SYNE1: variants seen among roughly 807,000 people sequenced by gnomAD.
SYNE1 encodes the protein nesprin-1.
Under a neutral mutation model 1,111.0 loss-of-function variants are expected in SYNE1, and 616 were observed. That is an observed-to-expected ratio of 0.55 (90% CI 0.52 to 0.59). The LOEUF is 0.59. Ranked by LOEUF, SYNE1 falls within the 20% of genes least tolerant of loss-of-function variation. The probability of loss-of-function intolerance (pLI) is 0.00; values close to 1 mark genes in which losing one functional copy is unlikely to be tolerated. For missense variants in SYNE1, 10,006 were observed against 10,417.0 expected (o/e 0.96, Z 1.72); for synonymous variants, 3,855 against 3,825.8 (o/e 1.01, Z -0.28).
chr6:152,474,184 CA>C (rs11330635), intron 14 of SYNE1, among the ~76,000 whole-genome samples: 71,184 of 145,562 alleles, frequency 0.49, 18,290 homozygotes, highest in East Asian at 0.76. Flanking sequence ...GACTCTGTCT[CA>C]AAAAAAAAAA....
chr6:152,399,830 A>T lies in SYNE1; in HGVS notation c.7030-7T>A, dbSNP rs914654495. On this transcript the variant is annotated splice_polypyrimidine_tract_variant and splice_region_variant and intron_variant, in intron 47 of 145. Coordinates refer to ENST00000367255, the MANE Select transcript of SYNE1 (RefSeq NM_182961.4). ...GAAGTTCTTTTTGTATATCCTACAG[A>T]ATAAAAGTATATTATGAAGGATATT... The T allele has an allele frequency of 1.2e-5, 20 of 1,613,120 alleles. No homozygotes were observed. Among genetic ancestry groups the T allele is most frequent in the Non-Finnish European group, 1.6e-5 (19 of 1,179,118 alleles).
intron 3 of SYNE1, among the ~76,000 whole-genome samples, chr6:152,627,563 G>T (rs2099688236): frequency 6.6e-6 from 1 of 152,090 alleles, no homozygotes; most frequent in African/African-American, 2.4e-5. Flanking sequence ...GAGGCTGAGG[G>T]AGGAGAATCG....
intron 30 of SYNE1, 69 bp from the exon 31 acceptor site, chr6:152,442,314 C>G (rs565646598): frequency 1.3e-6 from 2 of 1,583,440 alleles, no homozygotes; most frequent in Admixed American, 3.3e-5. Context: ...GACATCAACA[C>G]CCACGCTTAA....
chr6:152,158,540 A>C (rs1444286224), intron 131 of SYNE1, among the ~76,000 whole-genome samples: 5 of 152,206 alleles, frequency 3.3e-5, no homozygotes, highest in Non-Finnish European at 7.3e-5. Context: ...ATTTTACTAA[A>C]ATATTTATAT....
At chr6:152,348,626 A>C (rs1421271864) in intron 72 of SYNE1, among the ~76,000 whole-genome samples, 1 of 152,198 alleles carries the variant, frequency 6.6e-6, no homozygotes, top group Non-Finnish European at 1.5e-5. Context: ...CAGAGGTTAC[A>C]GTGAGCTGAG....
intron 3 of SYNE1, among the ~76,000 whole-genome samples, chr6:152,621,486 T>C (rs1326304816): frequency 6.6e-6 from 1 of 152,114 alleles, no homozygotes; most frequent in African/African-American, 2.4e-5. Flanking sequence ...GAATTTACAT[T>C]ACATGCCATA....
At chr6:152,358,631 T>C (rs2096879871) in intron 65 of SYNE1, 94 bp from the exon 66 acceptor site, 5 of 1,255,966 alleles carry the variant, frequency 4.0e-6, no homozygotes, top group Non-Finnish European at 5.7e-6. Context: ...TAGAAAAGTA[T>C]AATTATTGAG....
chr6:152,619,739 ACAAGTGTC>A (rs138182608), intron 3 of SYNE1, among the ~76,000 whole-genome samples: 355 of 152,224 alleles, frequency 2.3e-3, no homozygotes, highest in African/African-American at 8.2e-3. Flanking sequence ...GCAGTGACAC[ACAAGTGTC>A]CAAGATGGTA....
At chr6:152,349,439 A>T (rs1375574082) in intron 72 of SYNE1, among the ~76,000 whole-genome samples, 2 of 152,254 alleles carry the variant, frequency 1.3e-5, no homozygotes, top group Non-Finnish European at 2.9e-5. Flanking sequence ...ACAGACTCAG[A>T]TAGGCTAAGT....
intron 130 of SYNE1, among the ~76,000 whole-genome samples, chr6:152,170,922 G>A (rs2065043893): frequency 6.6e-6 from 1 of 152,158 alleles, no homozygotes; most frequent in Non-Finnish European, 1.5e-5. Context: ...CCCCCAGACT[G>A]TTCTTGTGGT....
Position 152,409,065 on chromosome 6 carries a change from T to C in SYNE1, c.6540+3A>G, listed in dbSNP as rs1478807322. 7 of 1,613,900 alleles carry C rather than the reference T, an allele frequency of 4.3e-6. No homozygotes were observed. Among genetic ancestry groups the C allele is most frequent in the Non-Finnish European group, 5.9e-6 (7 of 1,179,914 alleles). ...TTCACAGAATCCCAGGTGATTATCT[T>C]ACATCCAGCCATTTGTCCACGGTGC... On this transcript the variant is annotated splice_donor_region_variant and intron_variant, in intron 44 of 145. Transcript: ENST00000367255.
At chr6:152,355,725 C>A (rs1259745962) in intron 66 of SYNE1, among the ~76,000 whole-genome samples, 1 of 152,154 alleles carries the variant, frequency 6.6e-6, no homozygotes, top group Non-Finnish European at 1.5e-5. Context: ...TAAATCTATA[C>A]TGTCACTTGA....
chr6:152,260,251 G>A (rs1454431948), intron 101 of SYNE1, among the ~76,000 whole-genome samples: 1 of 152,186 alleles, frequency 6.6e-6, no homozygotes, highest in Non-Finnish European at 1.5e-5. Flanking sequence ...CAAAGGATTG[G>A]AGGGATACTA....
intron 3 of SYNE1, among the ~76,000 whole-genome samples, chr6:152,625,147 G>A (rs1385281175): frequency 1.3e-5 from 2 of 152,168 alleles, no homozygotes; most frequent in African/African-American, 2.4e-5. Flanking sequence ...CCTCAAATTT[G>A]TCTTAATTAT....
intron 138 of SYNE1, among the ~76,000 whole-genome samples, chr6:152,141,824 A>C (rs2058606035): frequency 6.6e-6 from 1 of 152,160 alleles, no homozygotes; most frequent in Non-Finnish European, 1.5e-5. Context: ...TAATCCCAGC[A>C]CTTTGGGGGC....
At position 152,130,044 on chromosome 6, in the gene SYNE1, G is replaced by A. The variant is rs543355163; in HGVS notation, c.26153+676C>T. Reference sequence around the variant, plus strand: ...CTGCTGGAGGCCAGGCAGGAAGCGCGGAGTGGCAGCTGTGAGTCGGCTCTC... The same window carrying A: ...CTGCTGGAGGCCAGGCAGGAAGCGCAGAGTGGCAGCTGTGAGTCGGCTCTC... On this transcript the variant is annotated intron_variant, in intron 145 of 145. Transcript: ENST00000367255. 5.9e-5 allele frequency among the ~76,000 whole-genome samples: 9 copies of A among 152,298 alleles called. No individual in the cohort carries two copies. In the South Asian group the frequency reaches 6.2e-4, roughly 11 times the overall value.
chr6:152,137,223 C>T (rs1283302216), intron 140 of SYNE1, among the ~76,000 whole-genome samples: 1 of 151,916 alleles, frequency 6.6e-6, no homozygotes, highest in African/African-American at 2.4e-5. Context: ...GTAGGGGGTG[C>T]AGGGGGGAGG....
intron 93 of SYNE1, among the ~76,000 whole-genome samples, chr6:152,297,976 A>C (rs928705272): frequency 1.3e-5 from 2 of 152,226 alleles, no homozygotes; most frequent in African/African-American, 4.8e-5. Flanking sequence ...AGTACTATAA[A>C]TAACTACTAA....
chr6:152,495,527 C>T (rs916431263), intron 11 of SYNE1, among the ~76,000 whole-genome samples: 32 of 152,108 alleles, frequency 2.1e-4, no homozygotes, highest in African/African-American at 6.8e-4. Flanking sequence ...ACTTAACTTC[C>T]TCGTAAAGCA....
Sources: allele counts gnomAD v4.1 joint callset (sites outside exome capture counted in the v4.1 genomes callset), GRCh38; gene constraint gnomAD v4.1.1; transcripts MANE v1.5; gene names NCBI Gene and HGNC (gene_info 2026-07-23, HGNC 2026-07-21).